Variants in RGS6 observed in about 807,000 individuals in gnomAD.
RGS6 encodes the protein regulator of G-protein signaling 6.
Under a neutral mutation model 78.5 loss-of-function variants are expected in RGS6, and 30 were observed. That is an observed-to-expected ratio of 0.38 (90% CI 0.29 to 0.52). RGS6 has a LOEUF of 0.52. Among genes scored for constraint, RGS6 ranks in the 20% least tolerant of loss-of-function variants. RGS6 has a pLI of 0.85. For synonymous variants in RGS6, 206 were observed against 206.0 expected (o/e 1.00, Z 0.00); for missense variants, 495 against 609.7 (o/e 0.81, Z 1.98).
chr14:72,242,491 CTTTCTA>C (rs1040521750), intron 2 of RGS6, among the ~76,000 whole-genome samples: 7 of 152,166 alleles, frequency 4.6e-5, no homozygotes, highest in Non-Finnish European at 1.0e-4. Flanking sequence ...CATCCCCATA[CTTTCTA>C]TTTATTTTAA....
chr14:71,958,020 CATAT>C (rs34880009), intron 1 of RGS6, among the ~76,000 whole-genome samples: 1 of 149,858 alleles, frequency 6.7e-6, no homozygotes, highest in East Asian at 2.0e-4. Context: ...CTCATGCATG[CATAT>C]ATATATATAT....
At chr14:71,956,084 G>C (rs773332057) in intron 1 of RGS6, among the ~76,000 whole-genome samples, 1 of 152,164 alleles carries the variant, frequency 6.6e-6, no homozygotes, top group Admixed American at 6.5e-5. Flanking sequence ...GGAGAAACAA[G>C]CTTGGTAGGA....
chr14:72,610,258 G>A, the RGS6 span, among the ~76,000 whole-genome samples: 1 of 152,162 alleles, frequency 6.6e-6, no homozygotes, highest in Non-Finnish European at 1.5e-5. Flanking sequence ...TCAACTAGAG[G>A]GCATCCAAGG....
chr14:72,147,005 C>T (rs982775535), intron 2 of RGS6, among the ~76,000 whole-genome samples: 2 of 152,178 alleles, frequency 1.3e-5, no homozygotes, highest in African/African-American at 4.8e-5. Flanking sequence ...CTCCAGTTTC[C>T]AATACACTGT....
chr14:72,510,057 G>A (rs558610113), intron 13 of RGS6, 97 bp from the exon 14 acceptor site: 1 of 1,360,036 alleles, frequency 7.4e-7, no homozygotes, highest in Admixed American at 2.5e-5. Context: ...TCCCTTTGGT[G>A]AGTGACTGCA....
chr14:72,629,518 A>T, the RGS6 span: 1 of 1,083,100 alleles, frequency 9.2e-7, no homozygotes, highest in Non-Finnish European at 1.3e-6. Context: ...TGCCAGGGTA[A>T]CAGGCCCCAG....
intron 2 of RGS6, among the ~76,000 whole-genome samples, chr14:72,256,316 G>A (rs892266019): frequency 1.4e-4 from 22 of 152,160 alleles, no homozygotes; most frequent in Middle Eastern, 3.2e-3. Context: ...TCCCTGGTGT[G>A]AGTCATGGGT....
At chr14:72,017,276 C>G (rs967662237) in intron 2 of RGS6, among the ~76,000 whole-genome samples, 4 of 152,060 alleles carry the variant, frequency 2.6e-5, no homozygotes, top group Admixed American at 2.0e-4. Context: ...CCTATTATTG[C>G]TGGTGTATAG....
chr14:72,234,609 CA>C (rs535776090), intron 2 of RGS6, among the ~76,000 whole-genome samples: 3 of 152,168 alleles, frequency 2.0e-5, no homozygotes, highest in Admixed American at 2.0e-4. Flanking sequence ...GCTCCAGTGC[CA>C]CCCTGCCTGC....
chr14:72,459,089 G>A (rs2095708595), intron 5 of RGS6, among the ~76,000 whole-genome samples: 1 of 152,160 alleles, frequency 6.6e-6, no homozygotes. Flanking sequence ...GAACCTAAGT[G>A]AGCCTGATAG....
intron 2 of RGS6, among the ~76,000 whole-genome samples, chr14:72,214,034 T>C (rs2044871805): frequency 6.6e-6 from 1 of 152,182 alleles, no homozygotes; most frequent in Non-Finnish European, 1.5e-5. Flanking sequence ...GACCTGGCAC[T>C]AATGCTGGAG....
At chr14:72,320,872 TACTA>T (rs2071772665) in intron 2 of RGS6, among the ~76,000 whole-genome samples, 1 of 150,260 alleles carries the variant, frequency 6.7e-6, no homozygotes, top group African/African-American at 2.4e-5. Flanking sequence ...TTAGCATACT[TACTA>T]AAGTATATTA....
At chr14:71,981,464 G>A (rs1022564853) in intron 2 of RGS6, among the ~76,000 whole-genome samples, 2 of 152,054 alleles carry the variant, frequency 1.3e-5, no homozygotes, top group Admixed American at 1.3e-4. Context: ...CTGTTTGTTA[G>A]TTTTCCTTCT....
At chr14:72,176,449 C>A (rs1435119386) in intron 2 of RGS6, among the ~76,000 whole-genome samples, 5 of 152,204 alleles carry the variant, frequency 3.3e-5, no homozygotes, top group African/African-American at 7.2e-5. Context: ...GAAATAGATA[C>A]CACCAAAAGG....
chr14:72,601,025 GGAGGAGGAA>G, the RGS6 span, among the ~76,000 whole-genome samples: 5 of 149,702 alleles, frequency 3.3e-5, no homozygotes, highest in Non-Finnish European at 7.4e-5. Context: ...AGGAGGAGGG[GGAGGAGGAA>G]GAGGAGGAGA....
intron 2 of RGS6, among the ~76,000 whole-genome samples, chr14:72,198,694 T>C (rs1567446795): frequency 6.6e-6 from 1 of 152,256 alleles, no homozygotes; most frequent in Non-Finnish European, 1.5e-5. Flanking sequence ...TCAGAGAAGA[T>C]ACGTGGACTT....
At chr14:72,225,710 C>T (rs2047970324) in intron 2 of RGS6, among the ~76,000 whole-genome samples, 1 of 152,190 alleles carries the variant, frequency 6.6e-6, no homozygotes, top group African/African-American at 2.4e-5. Flanking sequence ...AATAATATAG[C>T]ATGTATTCCT....
chr14:72,425,950 AAG>A (rs1366462640), intron 3 of RGS6, among the ~76,000 whole-genome samples: 1 of 152,194 alleles, frequency 6.6e-6, no homozygotes, highest in Non-Finnish European at 1.5e-5. Context: ...GGAAAAGAGA[AAG>A]AGAATCTAAG....
chr14:72,170,175 A>T (rs1305135079), intron 2 of RGS6, among the ~76,000 whole-genome samples: 6 of 152,252 alleles, frequency 3.9e-5, no homozygotes, highest in Admixed American at 3.9e-4. Flanking sequence ...AAACAATGCC[A>T]TGTACCTACA....
Sources: allele counts gnomAD v4.1 joint callset (sites outside exome capture counted in the v4.1 genomes callset), GRCh38; gene constraint gnomAD v4.1.1; transcripts MANE v1.5; gene names NCBI Gene and HGNC (gene_info 2026-07-23, HGNC 2026-07-21).